TBC1D4: variants seen among roughly 807,000 people sequenced by gnomAD.
TBC1D4 encodes the protein TBC (Tre-2, BUB2, CDC16) domain-containing protein.
TBC1D4 carries 121 observed loss-of-function variants against 142.5 expected under a neutral mutation model. The observed-to-expected ratio is 0.85, with a 90% CI of 0.73 to 0.99. TBC1D4 has a LOEUF of 0.99. TBC1D4 is among the 50% of genes least tolerant of loss of function. The pLI is 0.00. For synonymous variants in TBC1D4, 630 were observed against 628.2 expected, an observed-to-expected ratio of 1.00 and a Z score of -0.04; for missense variants, 1,475 against 1,606.6, an observed-to-expected ratio of 0.92 and a Z score of 1.40.
At chr13:75,366,838 C>T in intron 1 of TBC1D4, 1 of 601,552 alleles carries the variant, frequency 1.7e-6, no homozygotes, top group South Asian at 7.4e-5. Context: ...TCTACAACTA[C>T]CAAACACTGA....
chr13:75,331,406 G>A (rs1320281269), intron 8 of TBC1D4, among the ~76,000 whole-genome samples: 3 of 152,202 alleles, frequency 2.0e-5, no homozygotes, highest in African/African-American at 7.2e-5. Context: ...AGGCTAAGGC[G>A]GGAAGACTGT....
At chr13:75,404,089 T>C (rs867730109) in intron 1 of TBC1D4, among the ~76,000 whole-genome samples, 36 of 98,676 alleles carry the variant, frequency 3.6e-4, no homozygotes, top group African/African-American at 2.0e-3. Flanking sequence ...CACACACACA[T>C]CTCCCCAGCA....
chr13:75,393,977 A>C (rs896172090), intron 1 of TBC1D4, among the ~76,000 whole-genome samples: 1 of 152,106 alleles, frequency 6.6e-6, no homozygotes, highest in Non-Finnish European at 1.5e-5. Flanking sequence ...TGAGTAATAC[A>C]GATATTTATT....
intron 1 of TBC1D4, among the ~76,000 whole-genome samples, chr13:75,403,627 G>A (rs1453076753): frequency 1.3e-5 from 2 of 152,018 alleles, no homozygotes; most frequent in Non-Finnish European, 2.9e-5. Context: ...CTTTTGATAT[G>A]AATTTCAATT....
chr13:75,433,337 G>C (rs2138168448), intron 1 of TBC1D4, among the ~76,000 whole-genome samples: 1 of 152,222 alleles, frequency 6.6e-6, no homozygotes, highest in South Asian at 2.1e-4. Flanking sequence ...AGTATGTATG[G>C]AAGTAGAGTG....
At chr13:75,309,555 A>G (rs1270497576) in intron 14 of TBC1D4, among the ~76,000 whole-genome samples, 1 of 152,172 alleles carries the variant, frequency 6.6e-6, no homozygotes, top group Non-Finnish European at 1.5e-5. Flanking sequence ...ATCACATTCA[A>G]AGAAAAGAAA....
chr13:75,481,575 G>C lies in TBC1D4; in HGVS notation c.193C>G (p.Arg65Gly). ...LPWLMAEIRRRSQKPEAGGCG... is the reference protein window; with the variant it reads ...LPWLMAEIRRGSQKPEAGGCG... ...CCGCCCGCCTCGGGCTTCTGGCTGC[G>C]CCTGCGGATCTCGGCCATGAGCCAG... The change falls in exon 1 of 21, where the codon CGC becomes GGC. Residue 65 changes from arginine (R) to glycine (G), a missense_variant. This residue lies in a region of TBC1D4 where 1,227 missense variants were observed against 1,267.7 expected (regional missense o/e 0.97). Coordinates refer to ENST00000377636, the MANE Select transcript of TBC1D4 (RefSeq NM_014832.5). The C allele has an allele frequency of 6.2e-7, 1 of 1,601,918 alleles. No individual in the cohort carries two copies. The highest frequency in any genetic ancestry group is 8.5e-7 in the Non-Finnish European group (1 of 1,174,566).
chr13:75,336,406 A>G (rs1009006790), intron 8 of TBC1D4, among the ~76,000 whole-genome samples: 2 of 149,966 alleles, frequency 1.3e-5, no homozygotes, highest in Non-Finnish European at 3.0e-5. Flanking sequence ...AAGGAAAAAA[A>G]AAAAAGATCA....
chr13:75,449,418 A>G (rs915118212), intron 1 of TBC1D4, among the ~76,000 whole-genome samples: 6 of 150,370 alleles, frequency 4.0e-5, no homozygotes, highest in African/African-American at 1.5e-4. Context: ...CAACTGTAAC[A>G]ATATACTGTA....
intron 1 of TBC1D4, among the ~76,000 whole-genome samples, chr13:75,436,304 T>C (rs1302023216): frequency 6.6e-6 from 1 of 152,094 alleles, no homozygotes; most frequent in Non-Finnish European, 1.5e-5. Flanking sequence ...CATAGCAGTA[T>C]GAAAATGGAC....
intron 20 of TBC1D4, among the ~76,000 whole-genome samples, chr13:75,287,751 T>G (rs1874844630): frequency 6.6e-6 from 1 of 152,210 alleles, no homozygotes; most frequent in Non-Finnish European, 1.5e-5. Context: ...GGGAAGCAAC[T>G]ACTTTAGAGA....
chr13:75,422,813 T>C (rs1031200282), intron 1 of TBC1D4, among the ~76,000 whole-genome samples: 1 of 152,204 alleles, frequency 6.6e-6, no homozygotes, highest in Admixed American at 6.5e-5. Flanking sequence ...TTTAACTTGA[T>C]AATTTGTCTA....
At chr13:75,410,699 G>A (rs1327684043) in intron 1 of TBC1D4, among the ~76,000 whole-genome samples, 2 of 152,022 alleles carry the variant, frequency 1.3e-5, no homozygotes, top group Non-Finnish European at 2.9e-5. Context: ...CACTTTGGGA[G>A]GCCGAGGCGG....
intron 1 of TBC1D4, among the ~76,000 whole-genome samples, chr13:75,407,610 A>G (rs9530433): frequency 0.64 from 98,110 of 152,140 alleles, 37,352 homozygotes; most frequent in East Asian, 0.97. Flanking sequence ...CTGAGGAAGG[A>G]TGCAAAGGGA....
chr13:75,347,431 T>C (rs527530), intron 5 of TBC1D4, among the ~76,000 whole-genome samples: 72,097 of 152,106 alleles, frequency 0.47, 17,510 homozygotes, highest in South Asian at 0.72. Context: ...ATATAACTCC[T>C]AAACAGTTAC....
At chr13:75,427,069 A>G (rs1435770682) in intron 1 of TBC1D4, among the ~76,000 whole-genome samples, 1 of 151,774 alleles carries the variant, frequency 6.6e-6, no homozygotes, top group African/African-American at 2.4e-5. Flanking sequence ...CAAAAAAGGA[A>G]TGAATACCTT....
intron 1 of TBC1D4, among the ~76,000 whole-genome samples, chr13:75,429,990 A>G (rs1011075028): frequency 1.3e-5 from 2 of 152,234 alleles, no homozygotes; most frequent in African/African-American, 2.4e-5. Flanking sequence ...GAGTTAGTCC[A>G]CATAGAATGA....
chr13:75,323,770 T>G (rs1259100601), intron 11 of TBC1D4, among the ~76,000 whole-genome samples: 1 of 152,040 alleles, frequency 6.6e-6, no homozygotes, highest in Non-Finnish European at 1.5e-5. Context: ...ATCAAAGAAA[T>G]GCCTAGGAAA....
At chr13:75,294,120 T>G (rs573427210) in intron 18 of TBC1D4, among the ~76,000 whole-genome samples, 2 of 152,346 alleles carry the variant, frequency 1.3e-5, no homozygotes, top group South Asian at 2.1e-4. Context: ...GTTGTTTTAA[T>G]TTTTGCTTTT....
Sources: allele counts gnomAD v4.1 joint callset (sites outside exome capture counted in the v4.1 genomes callset), GRCh38; gene constraint gnomAD v4.1.1; regional missense constraint gnomAD v4.1.1; transcripts MANE v1.5; gene names NCBI Gene and HGNC (gene_info 2026-07-23, HGNC 2026-07-21).